The following GON4L variants were observed in gnomAD, a reference collection of about 807,000 sequenced individuals.
The protein encoded by GON4L is GON-4-like protein.
GON4L carries 87 observed loss-of-function variants against 211.8 expected under a neutral mutation model. The observed-to-expected ratio is 0.41, with a 90% CI of 0.35 to 0.49. The LOEUF (loss-of-function observed/expected upper bound fraction) is 0.49. GON4L is among the 20% of genes least tolerant of loss of function. GON4L has a pLI of 0.15. For missense variants in GON4L, 2,155 were observed against 2,659.5 expected (o/e 0.81, Z 4.17); for synonymous variants, 875 against 962.6 (o/e 0.91, Z 1.68).
intron 2 of GON4L, among the ~76,000 whole-genome samples, chr1:155,849,373 C>A (rs1182300494): frequency 6.6e-6 from 1 of 151,206 alleles, no homozygotes; most frequent in African/African-American, 2.4e-5. Context: ...TGAAACCCTG[C>A]CTCTACTAAA....
intron 11 of GON4L, 126 bp downstream of exon 11, chr1:155,804,823 A>T: frequency 1.3e-6 from 1 of 762,014 alleles, no homozygotes; most frequent in Non-Finnish European, 2.3e-6. Context: ...ATTTAAGATA[A>T]ATTATCAGTT....
At chr1:155,778,827 A>G (rs925502840) in intron 14 of GON4L, among the ~76,000 whole-genome samples, 2 of 152,130 alleles carry the variant, frequency 1.3e-5, no homozygotes, top group Admixed American at 1.3e-4. Context: ...TTCTTACGTT[A>G]GCTTGCTGAT....
At position 155,752,603 on chromosome 1, in the gene GON4L, A is replaced by G; in HGVS notation, c.5843-13T>C. ...ACTGCCAATCCTGCTTAGGAGGAAA[A>G]TAAGGATCTCAGGGTACTGTCAGGT... On this transcript the variant is annotated splice_polypyrimidine_tract_variant and intron_variant, in intron 29 of 31. Transcript: ENST00000368331. The G allele has an allele frequency of 6.4e-7, 1 of 1,570,908 alleles. No individual in the cohort carries two copies. The highest frequency in any genetic ancestry group is 1.4e-5 in the African/African-American group (1 of 73,990).
intron 3 of GON4L, among the ~76,000 whole-genome samples, chr1:155,826,230 AT>A (rs1391671071): frequency 1.3e-5 from 2 of 151,900 alleles, no homozygotes; most frequent in African/African-American, 4.8e-5. Context: ...AAAGGCAGTT[AT>A]AAAATGTACA....
At chr1:155,748,906 A>G (rs1571596158), downstream of GON4L, 2 of 1,008,986 alleles carry the variant, frequency 2.0e-6, no homozygotes, top group Non-Finnish European at 2.9e-6. Context: ...AAAGGATAAA[A>G]AGAAGGGCTT....
At chr1:155,782,568 C>T (rs906445802) in intron 14 of GON4L, among the ~76,000 whole-genome samples, 4 of 152,156 alleles carry the variant, frequency 2.6e-5, no homozygotes, top group African/African-American at 7.2e-5. Flanking sequence ...CAGAATGTAT[C>T]ACCATGAGAT....
In GON4L at chr1:155,775,168, C is replaced by T. The variant is rs1334563781; in HGVS notation, c.2184G>A (p.Glu728=). The change falls in exon 17 of 32, where the codon GAG becomes GAA. Residue 728 remains glutamate, a synonymous_variant. Coordinates refer to ENST00000368331, the MANE Select transcript of GON4L (RefSeq NM_001282860.2). ...TGGAGCTTTGAGCAAAGGTTCCCAG[C>T]TCTTTCTGGGAAAACAGGACACAAG... ...EATTTRIFLK[E]LGTFAQSSIA... 1 of 1,614,148 alleles carries T rather than the reference C, an allele frequency of 6.2e-7. No individual in the cohort carries two copies. The highest frequency in any genetic ancestry group is 1.7e-5 in the Admixed American group (1 of 59,994).
chr1:155,835,463 TAA>T (rs113957550), intron 2 of GON4L, among the ~76,000 whole-genome samples: 17 of 139,648 alleles, frequency 1.2e-4, no homozygotes, highest in African/African-American at 2.1e-4. Context: ...AATGATCAAT[TAA>T]AAAAAAAAAA....
Position 155,751,755 on chromosome 1 carries a change from A to G in GON4L, c.6576+12T>C, listed in dbSNP as rs1049142150. 6 of 1,588,102 alleles carry G rather than the reference A, an allele frequency of 3.8e-6. No homozygotes were observed. The East Asian group carries it at 1.1e-4, about 30-fold the overall frequency. On this transcript the variant is annotated intron_variant, in intron 31 of 31. Transcript: ENST00000368331. Reference sequence around the variant, plus strand: ...CTCTTTTTGCCAGGTCTTCACCCCAACCCGCACCTACCTCAGCAGGGGTCT... The same window carrying G: ...CTCTTTTTGCCAGGTCTTCACCCCAGCCCGCACCTACCTCAGCAGGGGTCT...
At chr1:155,775,455 A>ATT (rs575154449) in intron 16 of GON4L, among the ~76,000 whole-genome samples, 1 of 144,954 alleles carries the variant, frequency 6.9e-6, no homozygotes, top group African/African-American at 2.6e-5. Context: ...ATGAGGACTC[A>ATT]TTTTTTTTTT....
chr1:155,766,336 G>C lies in GON4L; in HGVS notation c.3137C>G (p.Ala1046Gly), dbSNP rs145581267. Residue 1046 changes from alanine (A) to glycine (G), a missense_variant, in exon 21 of 32, where the codon GCC becomes GGC. Coordinates refer to ENST00000368331, the MANE Select transcript of GON4L (RefSeq NM_001282860.2). ...ACCTGGAACTGTCTGTAAAACAGTG[G>C]CTGGCTGTATTGGGTGAGGAATCCG... The part of the protein sequence containing the change: ...VLRIPHPIQP[A>G]TVLQTVPGVP... 1.1e-5 allele frequency: 17 copies of C among 1,614,002 alleles called. No individual in the cohort carries two copies. The African/African-American group carries it at 2.1e-4, about 20-fold the overall frequency.
chr1:155,745,916 A>T (rs2101564795), downstream of GON4L: 1 of 871,798 alleles, frequency 1.1e-6, no homozygotes, highest in South Asian at 1.7e-5. Context: ...CCAGCAGGTG[A>T]GGTCAGCCGG....
intron 10 of GON4L, among the ~76,000 whole-genome samples, chr1:155,809,908 T>C: frequency 7.5e-6 from 1 of 133,788 alleles, no homozygotes; most frequent in Non-Finnish European, 1.6e-5. Flanking sequence ...AATTATAAAT[T>C]ATATACATAT....
At chr1:155,796,237 A>C (rs1293192349) in intron 11 of GON4L, among the ~76,000 whole-genome samples, 1 of 152,018 alleles carries the variant, frequency 6.6e-6, no homozygotes, top group African/African-American at 2.4e-5. Context: ...GTTAGGTTAG[A>C]ATAATAGAAA....
chr1:155,823,025 C>G (rs1172855475), intron 3 of GON4L, among the ~76,000 whole-genome samples: 1 of 151,324 alleles, frequency 6.6e-6, no homozygotes, highest in Non-Finnish European at 1.5e-5. Flanking sequence ...GAACTCCCGA[C>G]CTCAGGTGAT....
chr1:155,754,678 C>T (rs1470326644), intron 27 of GON4L, among the ~76,000 whole-genome samples, 190 bp from the exon 28 acceptor site: 12 of 151,472 alleles, frequency 7.9e-5, no homozygotes, highest in African/African-American at 2.2e-4. Flanking sequence ...TACAGGTATG[C>T]GCCACCACAC....
intron 2 of GON4L, among the ~76,000 whole-genome samples, chr1:155,827,636 C>T (rs1165122087): frequency 1.3e-5 from 2 of 150,796 alleles, no homozygotes; most frequent in Non-Finnish European, 3.0e-5. Flanking sequence ...CAGGGAGATA[C>T]GATTCCACCA....
chr1:155,819,382 T>C (rs1048973017), intron 6 of GON4L, among the ~76,000 whole-genome samples: 5 of 152,182 alleles, frequency 3.3e-5, no homozygotes, highest in Non-Finnish European at 5.9e-5. Flanking sequence ...TCTTCAACTG[T>C]AGGAAAAGTA....
Position 155,777,751 on chromosome 1 carries a change from C to T in GON4L, c.1962G>A (p.Leu654=). 1 of 1,613,212 alleles carries T rather than the reference C, an allele frequency of 6.2e-7. No homozygotes were observed. The part of the protein sequence containing the change: ...HRTVKELFEQ[L]KMKKSSAKQL... ...GTTTGGCTGAAGATTTCTTCATCTT[C>T]AGCTGTTCAAATAGCTCCTTCACTG... The change falls in exon 15 of 32, where the codon CTG becomes CTA. Residue 654 remains leucine (L), a synonymous_variant. Transcript: ENST00000368331.
Sources: gnomAD v4.1 joint callset for allele counts (sites outside exome capture counted in the v4.1 genomes callset) on GRCh38, gnomAD v4.1.1 for gene constraint, MANE v1.5 for transcripts, NCBI Gene and HGNC (gene_info 2026-07-23, HGNC 2026-07-21) for gene names.